Variants in RANBP17 observed in about 807,000 individuals in gnomAD.
RANBP17 encodes the protein RAN binding protein 17, also known as ran-binding protein 17.
A neutral mutation model predicts 141.2 loss-of-function variants in RANBP17; 158 were observed. That is an observed-to-expected ratio of 1.12 (90% CI 0.98 to 1.28). The LOEUF is 1.28. Among genes scored for constraint, RANBP17 ranks in the 50% most tolerant of loss-of-function variants. RANBP17 has a pLI of 0.00. For synonymous variants in RANBP17, 430 were observed against 450.0 expected, an observed-to-expected ratio of 0.96 and a Z score of 0.56; for missense variants, 1,438 against 1,290.7, an observed-to-expected ratio of 1.11 and a Z score of -1.75.
intron 14 of RANBP17, among the ~76,000 whole-genome samples, chr5:171,169,830 G>A (rs567513893): frequency 6.6e-6 from 1 of 151,888 alleles, no homozygotes; most frequent in South Asian, 2.1e-4. Context: ...CCAGAAAGGG[G>A]TGGTCTACCA....
chr5:171,006,584 C>T (rs150354540), intron 14 of RANBP17, among the ~76,000 whole-genome samples: 1,765 of 151,908 alleles, frequency 0.012, 32 homozygotes, highest in African/African-American at 0.041. Flanking sequence ...CATCACACAC[C>T]GGGGCCTATT....
At chr5:171,266,637 A>C (rs1766704218) in intron 25 of RANBP17, among the ~76,000 whole-genome samples, 1 of 152,120 alleles carries the variant, frequency 6.6e-6, no homozygotes, top group African/African-American at 2.4e-5. Context: ...GATTTAGGCC[A>C]GGCACGGTGG....
intron 1 of RANBP17, among the ~76,000 whole-genome samples, chr5:170,868,177 C>G (rs1213621698): frequency 6.6e-6 from 1 of 152,112 alleles, no homozygotes; most frequent in Admixed American, 6.5e-5. Flanking sequence ...TTTGGAAGAT[C>G]CTTATTTAGA....
At chr5:171,069,964 G>A (rs926647950) in intron 14 of RANBP17, among the ~76,000 whole-genome samples, 3 of 152,132 alleles carry the variant, frequency 2.0e-5, no homozygotes, top group African/African-American at 7.2e-5. Context: ...CCTTGTAAAA[G>A]AAGTGAAAGG....
intron 14 of RANBP17, among the ~76,000 whole-genome samples, chr5:171,113,021 G>A (rs1367510803): frequency 2.0e-5 from 3 of 152,056 alleles, no homozygotes; most frequent in Non-Finnish European, 4.4e-5. Flanking sequence ...ATCATGTCTG[G>A]CATAGAGTAG....
chr5:170,943,363 G>A (rs1774488326), intron 12 of RANBP17, among the ~76,000 whole-genome samples: 1 of 152,004 alleles, frequency 6.6e-6, no homozygotes, highest in Non-Finnish European at 1.5e-5. Context: ...CTGTATTTGT[G>A]GTGATATGGT....
chr5:171,264,643 T>C (rs1766547741), intron 24 of RANBP17, among the ~76,000 whole-genome samples: 1 of 152,248 alleles, frequency 6.6e-6, no homozygotes, highest in African/African-American at 2.4e-5. Context: ...TCTTAATAAA[T>C]GTCAGCTTTT....
intron 14 of RANBP17, among the ~76,000 whole-genome samples, chr5:170,979,946 A>G (rs372474129): frequency 7.2e-4 from 110 of 152,344 alleles, no homozygotes; most frequent in African/African-American, 2.5e-3. Context: ...AATGTGGGAA[A>G]GTTTGGATCT....
chr5:171,192,758 A>G (rs1761730974), intron 18 of RANBP17, among the ~76,000 whole-genome samples: 1 of 152,166 alleles, frequency 6.6e-6, no homozygotes, highest in Non-Finnish European at 1.5e-5. Context: ...TCTTAATGCC[A>G]TCTACTCTGC....
At chr5:171,206,939 A>C (rs976167001) in intron 20 of RANBP17, 2 of 182,902 alleles carry the variant, frequency 1.1e-5, no homozygotes, top group Non-Finnish European at 2.3e-5. Context: ...AAGTCTTAAA[A>C]TTCTCTTAAC....
intron 14 of RANBP17, among the ~76,000 whole-genome samples, chr5:171,002,515 G>A (rs1779284822): frequency 6.6e-6 from 1 of 152,144 alleles, no homozygotes; most frequent in African/African-American, 2.4e-5. Flanking sequence ...CCCTTGTGTA[G>A]TGAGGAAACC....
chr5:170,912,231 C>G (rs1203479414), intron 7 of RANBP17, among the ~76,000 whole-genome samples: 2 of 151,032 alleles, frequency 1.3e-5, no homozygotes, highest in Non-Finnish European at 3.0e-5. Flanking sequence ...ATTTCACAGA[C>G]TGAAAACACA....
intron 14 of RANBP17, among the ~76,000 whole-genome samples, chr5:170,985,213 A>G (rs1778066466): frequency 6.6e-6 from 1 of 152,132 alleles, no homozygotes; most frequent in Non-Finnish European, 1.5e-5. Flanking sequence ...AGAAGTTTTG[A>G]ACTTTGTTCT....
chr5:171,272,069 A>G (rs1301440686), intron 25 of RANBP17, among the ~76,000 whole-genome samples: 1 of 152,204 alleles, frequency 6.6e-6, no homozygotes, highest in African/African-American at 2.4e-5. Flanking sequence ...GGAGGCTATT[A>G]TCCTAAGCGA....
chr5:170,884,191 C>T (rs1470051932), intron 3 of RANBP17, among the ~76,000 whole-genome samples: 1 of 152,148 alleles, frequency 6.6e-6, no homozygotes, highest in African/African-American at 2.4e-5. Flanking sequence ...TCCCTGAGAA[C>T]ATATGATATA....
At chr5:171,020,683 G>A (rs563175304) in intron 14 of RANBP17, among the ~76,000 whole-genome samples, 1 of 151,854 alleles carries the variant, frequency 6.6e-6, no homozygotes, top group African/African-American at 2.4e-5. Context: ...CATGTGAGAC[G>A]GGTCTCCTGA....
intron 14 of RANBP17, among the ~76,000 whole-genome samples, chr5:170,990,891 T>A (rs981018952): frequency 2.0e-5 from 3 of 151,914 alleles, no homozygotes; most frequent in Non-Finnish European, 2.9e-5. Context: ...TACAATAGCG[T>A]TAGTTGCTCA....
At chr5:171,266,266 C>A (rs1288248387) in intron 25 of RANBP17, among the ~76,000 whole-genome samples, 1 of 152,072 alleles carries the variant, frequency 6.6e-6, no homozygotes, top group Non-Finnish European at 1.5e-5. Flanking sequence ...AGGCAGCTTG[C>A]TAGGAATTTC....
chr5:171,241,294 A>G, intron 23 of RANBP17, 152 bp downstream of exon 23: 1 of 567,554 alleles, frequency 1.8e-6, no homozygotes, highest in Non-Finnish European at 3.0e-6. Context: ...AATTTGGAAA[A>G]CTATAGTGGC....
Sources: gnomAD v4.1 joint callset for allele counts (sites outside exome capture counted in the v4.1 genomes callset) on GRCh38, gnomAD v4.1.1 for gene constraint, MANE v1.5 for transcripts, NCBI Gene and HGNC (gene_info 2026-07-23, HGNC 2026-07-21) for gene names.